The following NRXN1 variants were observed in gnomAD, a reference collection of about 807,000 sequenced individuals.
NRXN1 encodes neurexin 1.
Under a neutral mutation model 150.9 loss-of-function variants are expected in NRXN1, and 39 were observed. The ratio of observed to expected loss-of-function variants is 0.26; its 90% CI spans 0.20 to 0.34. The LOEUF is 0.34. Among genes scored for constraint, NRXN1 ranks in the 10% least tolerant of loss-of-function variants. The pLI is 1.00. For synonymous variants in NRXN1, 924 were observed against 757.0 expected (o/e 1.22, Z -3.62); for missense variants, 1,815 against 1,949.9 (o/e 0.93, Z 1.30).
At chr2:50,486,851 A>C (rs2090909913) in intron 15 of NRXN1, among the ~76,000 whole-genome samples, 1 of 152,144 alleles carries the variant, frequency 6.6e-6, no homozygotes, top group African/African-American at 2.4e-5. Context: ...GAGCCTTATG[A>C]GCCCTCCTAG....
chr2:50,607,237 G>A (rs551882498), intron 8 of NRXN1, among the ~76,000 whole-genome samples: 2 of 152,184 alleles, frequency 1.3e-5, no homozygotes, highest in South Asian at 4.1e-4. Context: ...TTATAAACAT[G>A]ATGTAAGCAT....
chr2:50,906,096 G>A (rs1258464368), intron 5 of NRXN1, among the ~76,000 whole-genome samples: 1 of 151,998 alleles, frequency 6.6e-6, no homozygotes, highest in Admixed American at 6.6e-5. Context: ...TTACACTAGG[G>A]GCACTAAGGT....
intron 5 of NRXN1, among the ~76,000 whole-genome samples, chr2:50,625,378 T>A (rs1302195555): frequency 6.6e-6 from 1 of 152,058 alleles, no homozygotes; most frequent in African/African-American, 2.4e-5. Flanking sequence ...AGCAAATTAT[T>A]AGCCAAGACT....
chr2:50,635,878 G>T (rs186695664), intron 5 of NRXN1, among the ~76,000 whole-genome samples: 2 of 152,066 alleles, frequency 1.3e-5, no homozygotes, highest in Non-Finnish European at 2.9e-5. Context: ...TACAATGAAG[G>T]CTACTTAAAT....
rs1168478191 is a variant in NRXN1 at position 50,091,790 on chromosome 2, C to G, written c.3547-296G>C. On this transcript the variant is annotated intron_variant, in intron 18 of 22. Transcript: ENST00000401669. ...CACAGCTGCCTGCACAAAGGACATCCTTTTGTGTACTTTAACACAACCCCT... is the reference window on the plus strand; with the variant it reads ...CACAGCTGCCTGCACAAAGGACATCGTTTTGTGTACTTTAACACAACCCCT... Among the ~76,000 whole-genome samples, 5 of 152,356 alleles carry G rather than the reference C, an allele frequency of 3.3e-5. No individual in the cohort carries two copies. The South Asian group carries it at 8.3e-4, about 25-fold the overall frequency.
Position 50,091,084 on chromosome 2 carries a change from T to C in NRXN1, c.3718+239A>G, listed in dbSNP as rs1446985255. On this transcript the variant is annotated intron_variant, in intron 19 of 22. Coordinates refer to ENST00000401669, the MANE Select transcript of NRXN1 (RefSeq NM_001330078.2). Reference sequence around the variant, plus strand: ...TTATGTGTGCATTTTTCTGATTTCATTGATGTCCTGAATTTTGAAAACGAT... The same window carrying C: ...TTATGTGTGCATTTTTCTGATTTCACTGATGTCCTGAATTTTGAAAACGAT... 2.8e-4 allele frequency among the ~76,000 whole-genome samples: 42 copies of C among 152,214 alleles called. 1 individual carries two copies. The highest frequency in any genetic ancestry group is 2.7e-3 in the Admixed American group (41 of 15,282).
At chr2:50,836,099 C>A (rs1044760952) in intron 5 of NRXN1, among the ~76,000 whole-genome samples, 3 of 151,954 alleles carry the variant, frequency 2.0e-5, no homozygotes, top group Admixed American at 6.6e-5. Flanking sequence ...TTCTAGTTTT[C>A]GAAATTCAAA....
intron 18 of NRXN1, among the ~76,000 whole-genome samples, chr2:50,133,808 TG>T (rs1424858946): frequency 6.6e-6 from 1 of 152,152 alleles, no homozygotes; most frequent in African/African-American, 2.4e-5. Flanking sequence ...ACTAAAGCCA[TG>T]AGGAATTATT....
chr2:50,645,503 A>G (rs912138478), intron 5 of NRXN1, among the ~76,000 whole-genome samples: 7 of 151,940 alleles, frequency 4.6e-5, no homozygotes, highest in African/African-American at 1.4e-4. Flanking sequence ...TACATCTCCC[A>G]TGAAAACGTG....
chr2:50,270,316 T>C (rs985740053), intron 17 of NRXN1, among the ~76,000 whole-genome samples: 1 of 152,158 alleles, frequency 6.6e-6, no homozygotes, highest in Non-Finnish European at 1.5e-5. Context: ...CTATTTTGTA[T>C]ACATATGAAA....
intron 19 of NRXN1, among the ~76,000 whole-genome samples, chr2:50,086,198 A>G (rs1698752617): frequency 6.6e-6 from 1 of 152,240 alleles, no homozygotes; most frequent in Non-Finnish European, 1.5e-5. Context: ...TAAATTAACC[A>G]ACACTTCAGT....
intron 18 of NRXN1, among the ~76,000 whole-genome samples, chr2:50,149,179 A>C (rs1243735396): frequency 6.6e-6 from 1 of 151,756 alleles, no homozygotes; most frequent in Non-Finnish European, 1.5e-5. Flanking sequence ...GGAAACATCG[A>C]TGCCATGAAC....
intron 18 of NRXN1, among the ~76,000 whole-genome samples, chr2:50,120,714 T>C (rs1703734644): frequency 6.6e-6 from 1 of 152,208 alleles, no homozygotes; most frequent in Non-Finnish European, 1.5e-5. Context: ...GTCATCTTTC[T>C]GGAATTTACT....
intron 17 of NRXN1, among the ~76,000 whole-genome samples, chr2:50,286,783 A>G (rs2072241259): frequency 6.6e-6 from 1 of 152,122 alleles, no homozygotes; most frequent in South Asian, 2.1e-4. Context: ...ATATATAGAA[A>G]TTCATATTAT....
At chr2:50,510,671 T>G (rs1166846207) in intron 12 of NRXN1, among the ~76,000 whole-genome samples, 1 of 152,178 alleles carries the variant, frequency 6.6e-6, no homozygotes, top group African/African-American at 2.4e-5. Context: ...TAATTTTTCA[T>G]TTTATAGTTA....
At chr2:50,151,326 C>A (rs1462065773) in intron 18 of NRXN1, among the ~76,000 whole-genome samples, 2 of 151,608 alleles carry the variant, frequency 1.3e-5, no homozygotes. Flanking sequence ...ATTAATAGTG[C>A]ACACTAAAAC....
chr2:50,112,233 T>C (rs533524084), intron 18 of NRXN1, among the ~76,000 whole-genome samples: 4 of 152,344 alleles, frequency 2.6e-5, no homozygotes, highest in African/African-American at 7.2e-5. Flanking sequence ...TCATCCAAAA[T>C]ACTCCTACCT....
intron 5 of NRXN1, among the ~76,000 whole-genome samples, chr2:50,692,770 C>T (rs1257869698): frequency 5.3e-5 from 8 of 151,882 alleles, no homozygotes; most frequent in African/African-American, 7.3e-5. Context: ...GTATTCACAC[C>T]CCCTCTGATC....
chr2:50,343,016 T>G (rs963921698), intron 17 of NRXN1, among the ~76,000 whole-genome samples: 1 of 152,366 alleles, frequency 6.6e-6, no homozygotes, highest in Non-Finnish European at 1.5e-5. Context: ...CAAGATATAA[T>G]TATTATCCTT....
Sources: gnomAD v4.1 joint callset for allele counts (sites outside exome capture counted in the v4.1 genomes callset) on GRCh38, gnomAD v4.1.1 for gene constraint, MANE v1.5 for transcripts, NCBI Gene and HGNC (gene_info 2026-07-23, HGNC 2026-07-21) for gene names.